UBL3: variants seen among roughly 807,000 people sequenced by gnomAD.
UBL3 encodes ubiquitin like 3.
A neutral mutation model predicts 18.4 loss-of-function variants in UBL3; 6 were observed. The ratio of observed to expected loss-of-function variants is 0.33; its 90% CI spans 0.18 to 0.64. UBL3 has a LOEUF of 0.64. Ranked by LOEUF, UBL3 falls within the 30% of genes least tolerant of loss-of-function variation. The pLI, the probability that UBL3 is intolerant of heterozygous loss-of-function variation, is 0.76. For synonymous variants in UBL3, 49 were observed against 46.6 expected, an observed-to-expected ratio of 1.05 and a Z score of -0.21; for missense variants, 109 against 142.9, an observed-to-expected ratio of 0.76 and a Z score of 1.21.
At chr13:29,811,441 T>G (rs1247829492) in intron 1 of UBL3, among the ~76,000 whole-genome samples, 1 of 152,088 alleles carries the variant, frequency 6.6e-6, no homozygotes, top group Non-Finnish European at 1.5e-5. Flanking sequence ...CCACTGCAAC[T>G]AGTACTAGCC....
At chr13:29,828,908 C>T (rs1057409213) in intron 1 of UBL3, among the ~76,000 whole-genome samples, 17 of 152,200 alleles carry the variant, frequency 1.1e-4, no homozygotes, top group African/African-American at 1.9e-4. Flanking sequence ...GGACCCTCAG[C>T]GGAAGGTCTG....
At chr13:29,832,389 G>A (rs561541422) in intron 1 of UBL3, among the ~76,000 whole-genome samples, 1 of 149,572 alleles carries the variant, frequency 6.7e-6, no homozygotes, top group South Asian at 2.1e-4. Flanking sequence ...CCAGACTGCA[G>A]TGGCGCTATC....
intron 1 of UBL3, among the ~76,000 whole-genome samples, chr13:29,787,142 A>G (rs1163281156): frequency 6.6e-6 from 1 of 152,156 alleles, no homozygotes; most frequent in African/African-American, 2.4e-5. Context: ...GGAATAGTTA[A>G]TTAGCCTCCT....
intron 1 of UBL3, among the ~76,000 whole-genome samples, chr13:29,826,647 A>G (rs557124725): frequency 5.7e-4 from 86 of 152,160 alleles, no homozygotes; most frequent in African/African-American, 2.0e-3. Flanking sequence ...CTCCTGGATT[A>G]TTGATTTTTT....
At chr13:29,788,514 T>G (rs1016906363) in intron 1 of UBL3, among the ~76,000 whole-genome samples, 20 of 152,164 alleles carry the variant, frequency 1.3e-4, no homozygotes, top group Non-Finnish European at 2.5e-4. Flanking sequence ...CCAGCATACT[T>G]CGATGCCACC....
intron 1 of UBL3, among the ~76,000 whole-genome samples, chr13:29,778,360 T>TA (rs1877055042): frequency 6.6e-6 from 1 of 152,204 alleles, no homozygotes; most frequent in Non-Finnish European, 1.5e-5. Context: ...ATATTATTTT[T>TA]AAAAAACACC....
chr13:29,785,233 C>G (rs1024928615), intron 1 of UBL3, among the ~76,000 whole-genome samples: 1 of 152,166 alleles, frequency 6.6e-6, no homozygotes, highest in African/African-American at 2.4e-5. Context: ...TGTTGTGATA[C>G]TGCACTGTGA....
chr13:29,835,157 T>TATATATATATATATATATAA (rs1878923789), intron 1 of UBL3, among the ~76,000 whole-genome samples: 2 of 54,312 alleles, frequency 3.7e-5, no homozygotes, highest in African/African-American at 1.1e-4. Context: ...TATATATATA[T>TATATATATATATATATATAA]ATATATATAT....
rs1362116813 is a variant in UBL3 at position 29,849,884 on chromosome 13, G to C, written c.-346C>G. 2 of 448,536 alleles carry C rather than the reference G, an allele frequency of 4.5e-6. No individual in the cohort carries two copies. The highest frequency in any genetic ancestry group is 8.9e-5 in the East Asian group (2 of 22,362). 27.8% of individuals were successfully genotyped at this position (448,536 alleles called of 1,614,324 possible). A position where few individuals can be genotyped will look rare whatever the true frequency, so the allele number is the denominator to read the frequency against. ...CACGGACATGGAGAGGGGTGGGAGG[G>C]GGTTAAATGCGCCTTCCTCCTTTCC... On this transcript the variant is annotated 5_prime_UTR_variant, in exon 1 of 5. Transcript: ENST00000380680.
intron 1 of UBL3, among the ~76,000 whole-genome samples, chr13:29,816,853 T>C (rs1011941712): frequency 2.0e-5 from 3 of 150,540 alleles, no homozygotes; most frequent in Non-Finnish European, 3.0e-5. Flanking sequence ...ATCTGTGTAA[T>C]ATTTTTATTG....
intron 2 of UBL3, among the ~76,000 whole-genome samples, chr13:29,776,097 A>G (rs894855480): frequency 6.6e-6 from 1 of 152,150 alleles, no homozygotes; most frequent in Non-Finnish European, 1.5e-5. Flanking sequence ...TTTGTTTCAA[A>G]CTTAATTTTA....
intron 1 of UBL3, among the ~76,000 whole-genome samples, chr13:29,805,183 T>C (rs1472025033): frequency 6.6e-6 from 1 of 152,244 alleles, no homozygotes; most frequent in Non-Finnish European, 1.5e-5. Context: ...TTTGAAATAC[T>C]AAGATTTATG....
At chr13:29,779,861 G>A (rs1015721589) in intron 1 of UBL3, among the ~76,000 whole-genome samples, 21 of 152,236 alleles carry the variant, frequency 1.4e-4, no homozygotes, top group African/African-American at 5.1e-4. Context: ...TGGAGGATAG[G>A]GTAATTAAAG....
At chr13:29,793,089 T>C (rs1310643406) in intron 1 of UBL3, among the ~76,000 whole-genome samples, 2 of 151,970 alleles carry the variant, frequency 1.3e-5, no homozygotes, top group East Asian at 3.8e-4. Context: ...GCAAAACAAA[T>C]GGCAGCAGAT....
intron 1 of UBL3, among the ~76,000 whole-genome samples, chr13:29,841,562 T>G (rs1022064996): frequency 1.3e-5 from 2 of 152,164 alleles, no homozygotes; most frequent in African/African-American, 4.8e-5. Context: ...TACAAAGATA[T>G]ATGAAGTAGG....
intron 1 of UBL3, among the ~76,000 whole-genome samples, chr13:29,818,683 T>C (rs956202881): frequency 1.3e-5 from 2 of 152,182 alleles, no homozygotes; most frequent in Non-Finnish European, 2.9e-5. Context: ...GGCCAATGTA[T>C]AACAGCTTGT....
chr13:29,828,408 C>T (rs1878680579), intron 1 of UBL3, among the ~76,000 whole-genome samples: 1 of 152,156 alleles, frequency 6.6e-6, no homozygotes, highest in South Asian at 2.1e-4. Context: ...CTTCTCTTCC[C>T]CCTTCATTTC....
chr13:29,820,791 TTTG>T (rs1878415822), intron 1 of UBL3, among the ~76,000 whole-genome samples: 1 of 152,216 alleles, frequency 6.6e-6, no homozygotes, highest in Non-Finnish European at 1.5e-5. Context: ...TTTGCTATTA[TTTG>T]TTAAATGACT....
At chr13:29,845,859 T>A (rs1879214990) in intron 1 of UBL3, among the ~76,000 whole-genome samples, 2 of 152,170 alleles carry the variant, frequency 1.3e-5, no homozygotes, top group Non-Finnish European at 1.5e-5. Context: ...TGCTTTGCCA[T>A]TATTCTCACA....
Sources: gnomAD v4.1 joint callset for allele counts (sites outside exome capture counted in the v4.1 genomes callset) on GRCh38, gnomAD v4.1.1 for gene constraint, MANE v1.5 for transcripts, NCBI Gene and HGNC (gene_info 2026-07-23, HGNC 2026-07-21) for gene names.